C16orf95: variants seen among roughly 807,000 people sequenced by gnomAD.
C16orf95 encodes chromosome 16 open reading frame 95.
A neutral mutation model predicts 32.1 loss-of-function variants in C16orf95; 41 were observed. The observed-to-expected ratio is 1.28, with a 90% CI of 1.00 to 1.66. The LOEUF is 1.66. Among genes scored for constraint, C16orf95 ranks in the 40% most tolerant of loss-of-function variants. The pLI, the probability that C16orf95 is intolerant of heterozygous loss-of-function variation, is 0.00. For missense variants in C16orf95, 399 were observed against 325.9 expected (o/e 1.22, Z -1.73); for synonymous variants, 147 against 128.9 (o/e 1.14, Z -0.95).
Position 87,305,970 on chromosome 16 carries a change from G to A in C16orf95, c.515-65C>T. 7.9e-7 allele frequency: 1 copy of A among 1,268,262 alleles called. No homozygotes were observed. The highest frequency in any genetic ancestry group is 1.0e-6 in the Non-Finnish European group (1 of 978,140). The allele number at this position is 1,268,262 out of a possible 1,614,324, so 78.6% of individuals were successfully genotyped here. On this transcript the variant is annotated intron_variant, in intron 5 of 6. Transcript: ENST00000567970. This position sits in a 1 kb window ranked among gnomAD's most constrained non-coding sequence, Gnocchi z 4.2. Reference sequence around the variant, plus strand: ...TCCGGGACTCTGTGAGCCACGAGGAGGCTGCAACACCAGCCCCAGAGCCTC... The same window carrying A: ...TCCGGGACTCTGTGAGCCACGAGGAAGCTGCAACACCAGCCCCAGAGCCTC...
At chr16:87,317,004 C>T (rs939956607) in intron 1 of C16orf95, 87 bp downstream of exon 1, 2 of 1,406,648 alleles carry the variant, frequency 1.4e-6, no homozygotes, top group Non-Finnish European at 1.8e-6. Context: ...AGAGTTCTGC[C>T]TGTGCATAGG....
rs903146641 is a variant in C16orf95 at position 87,311,312 on chromosome 16, G to T, written c.331-16C>A. Reference sequence around the variant, plus strand: ...TCTTTTGACTCTAACAGAGAGGATGGGAGGAGAAGATTCAGAAGGGGATGG... The same window carrying T: ...TCTTTTGACTCTAACAGAGAGGATGTGAGGAGAAGATTCAGAAGGGGATGG... On this transcript the variant is annotated splice_polypyrimidine_tract_variant and intron_variant, in intron 3 of 6. Transcript: ENST00000567970. The T allele has an allele frequency of 6.6e-7, 1 of 1,516,960 alleles. No individual in the cohort carries two copies. Among genetic ancestry groups the T allele is most frequent in the Non-Finnish European group, 8.8e-7 (1 of 1,132,922 alleles). The allele number at this position is 1,516,960 out of a possible 1,614,324, so 94.0% of individuals were successfully genotyped here.
intron 1 of C16orf95, 75 bp downstream of exon 1, chr16:87,317,016 C>A: frequency 6.9e-7 from 1 of 1,452,400 alleles, no homozygotes; most frequent in South Asian, 1.4e-5. Context: ...GTGCATAGGT[C>A]ATGGAGCAAT....
At chr16:87,316,476 T>G (rs1409734740) in intron 1 of C16orf95, among the ~76,000 whole-genome samples, 2 of 152,180 alleles carry the variant, frequency 1.3e-5, no homozygotes, top group African/African-American at 2.4e-5. Flanking sequence ...ATATAAGTGT[T>G]TTTGGGTTTC....
In C16orf95 at chr16:87,310,653, G is replaced by A. The variant is rs565565443; in HGVS notation, c.478-320C>T. Among the ~76,000 whole-genome samples the A allele has an allele frequency of 1.6e-4, 24 of 152,296 alleles. No homozygotes were observed. The South Asian group carries it at 3.7e-3, about 24-fold the overall frequency. ...TGCCCAGAACTAGCGCTGTGGAGGCGGCCAGCAAGAGCAGAGAGGACAGGC... is the reference window on the plus strand; with the variant it reads ...TGCCCAGAACTAGCGCTGTGGAGGCAGCCAGCAAGAGCAGAGAGGACAGGC... On this transcript the variant is annotated intron_variant, in intron 4 of 6. Coordinates refer to ENST00000567970, the MANE Select transcript of C16orf95 (RefSeq NM_001195124.3).
chr16:87,311,134 T>C lies in C16orf95; in HGVS notation c.477+16A>G. On this transcript the variant is annotated intron_variant, in intron 4 of 6. Transcript: ENST00000567970. Reference sequence around the variant, plus strand: ...TCACTCTTCAGTTCTCACTGCAGTGTGCGCCTCCTCCTTACCTGCTGCTGA... The same window carrying C: ...TCACTCTTCAGTTCTCACTGCAGTGCGCGCCTCCTCCTTACCTGCTGCTGA... 6.6e-7 allele frequency: 1 copy of C among 1,507,316 alleles called. No homozygotes were observed. The highest frequency in any genetic ancestry group is 8.9e-7 in the Non-Finnish European group (1 of 1,127,154). 93.4% of individuals were successfully genotyped at this position (1,507,316 alleles called of 1,614,324 possible). A position where few individuals can be genotyped will look rare whatever the true frequency, so the allele number is the denominator to read the frequency against.
Position 87,309,372 on chromosome 16 carries a change from CTTT to C in C16orf95, c.514+922_514+924del, listed in dbSNP as rs10551847. Among the ~76,000 whole-genome samples, 445 of 86,058 alleles carry C rather than the reference CTTT, an allele frequency of 5.2e-3. 3 individuals carry two copies. The highest frequency in any genetic ancestry group is 0.025 in the African/African-American group (423 of 16,906). 56.5% of individuals were successfully genotyped at this position (86,058 alleles called of 152,430 possible). ...TATGCATTTTCTTTTTCTTTCTTTT[CTTT>C]TTTTTTTTTTTTTTTTTTTTTTTTT... On this transcript the variant is annotated intron_variant, in intron 5 of 6. Coordinates refer to ENST00000567970, the MANE Select transcript of C16orf95 (RefSeq NM_001195124.3).
At chr16:87,312,485 C>T (rs1911326536) in intron 3 of C16orf95, among the ~76,000 whole-genome samples, 1 of 146,268 alleles carries the variant, frequency 6.8e-6, no homozygotes, top group South Asian at 2.2e-4. Flanking sequence ...AGGAGAATCG[C>T]TTGAACCTGG....
In C16orf95 at chr16:87,315,771, C is replaced by A; in HGVS notation, c.204+1G>T. On this transcript the variant is annotated splice_donor_variant, in intron 2 of 6. Transcript: ENST00000567970. LOFTEE classifies it high-confidence loss of function. ...AGTGGCTGAGGATTTGCTTTCCTTA[C>A]CGAATGACGGGGGAGGCACACTTCT... 1 of 1,528,804 alleles carries A rather than the reference C, an allele frequency of 6.5e-7. No individual in the cohort carries two copies. Among genetic ancestry groups the A allele is most frequent in the East Asian group, 2.5e-5 (1 of 40,532 alleles). 94.7% of individuals were successfully genotyped at this position (1,528,804 alleles called of 1,614,324 possible).
At chr16:87,303,440 C>A (rs1910856153) in intron 6 of C16orf95, 1 of 230,006 alleles carries the variant, frequency 4.3e-6, no homozygotes, top group Admixed American at 4.9e-5. Flanking sequence ...TCCCCCCACC[C>A]CCGGCTGCTG....
intron 3 of C16orf95, among the ~76,000 whole-genome samples, chr16:87,312,428 G>T (rs926179190): frequency 2.0e-5 from 3 of 152,086 alleles, no homozygotes; most frequent in Non-Finnish European, 2.9e-5. Context: ...AATTAGCCGG[G>T]AGTGGTGGTG....
chr16:87,315,542 C>A (rs1222032993), intron 2 of C16orf95, among the ~76,000 whole-genome samples: 1 of 152,214 alleles, frequency 6.6e-6, no homozygotes, highest in South Asian at 2.1e-4. Flanking sequence ...CAGGGGCACA[C>A]GGAGAAGCTG....
In C16orf95 at chr16:87,311,265, TG is replaced by T. The variant is rs1911273199; in HGVS notation, c.361del (p.Gln121LysfsTer25). 2 of 1,532,792 alleles carry T rather than the reference TG, an allele frequency of 1.3e-6. No homozygotes were observed. Among genetic ancestry groups the T allele is most frequent in the Non-Finnish European group, 8.7e-7 (1 of 1,144,030 alleles). The allele number at this position is 1,532,792 out of a possible 1,614,324, so 94.9% of individuals were successfully genotyped here. A position where few individuals can be genotyped will look rare whatever the true frequency, so the allele number is the denominator to read the frequency against. On this transcript the variant is annotated frameshift_variant, in exon 4 of 7. Coordinates refer to ENST00000567970, the MANE Select transcript of C16orf95 (RefSeq NM_001195124.3). LOFTEE classifies it high-confidence loss of function. ...SQKTVQFPIP[Q>X]TAKMCPCLCH... ...TAGGCAGGGGCACATCTTGGCGGTTTGGGGGATAGGAAATTGAACCGTCTTT... is the reference window on the plus strand; with the variant it reads ...TAGGCAGGGGCACATCTTGGCGGTTTGGGGATAGGAAATTGAACCGTCTTT...
In C16orf95 at chr16:87,310,238, C is replaced by G. The variant is rs1911219058; in HGVS notation, c.514+59G>C. 2.6e-6 allele frequency: 4 copies of G among 1,511,000 alleles called. No homozygotes were observed. In the South Asian group the frequency reaches 3.6e-5, roughly 14 times the overall value. The allele number at this position is 1,511,000 out of a possible 1,614,324, so 93.6% of individuals were successfully genotyped here. ...GGTCTGCCCCCACCATCATGATGCT[C>G]ACGAACCCCACCTTTCTGGGGAGGG... On this transcript the variant is annotated intron_variant, in intron 5 of 6. Transcript: ENST00000567970.
At chr16:87,304,298 C>T (rs1351133563) in intron 6 of C16orf95, among the ~76,000 whole-genome samples, 1 of 152,220 alleles carries the variant, frequency 6.6e-6, no homozygotes, top group Non-Finnish European at 1.5e-5. Flanking sequence ...TGTAGGCCAC[C>T]ACACCTTGCC....
At chr16:87,315,935 C>G (rs147122963) in intron 1 of C16orf95, 112 bp from the exon 2 acceptor site, 2 of 602,820 alleles carry the variant, frequency 3.3e-6, no homozygotes, top group Non-Finnish European at 5.2e-6. Context: ...ATAAAGCCCA[C>G]GGGTGGTGGG....
At position 87,316,650 on chromosome 16, in the gene C16orf95, G is replaced by A. The variant is rs116603932; in HGVS notation, c.152+441C>T. ...AGCACTGCTATATTCCTGGTGGGGA[G>A]GGGGGGGGCCACAGCCATCTCAGTC... On this transcript the variant is annotated intron_variant, in intron 1 of 6. Coordinates refer to ENST00000567970, the MANE Select transcript of C16orf95 (RefSeq NM_001195124.3). Among the ~76,000 whole-genome samples the A allele has an allele frequency of 6.9e-3, 1,011 of 146,080 alleles. 11 individuals carry two copies. The highest frequency in any genetic ancestry group is 0.024 in the African/African-American group (954 of 40,222).
intron 3 of C16orf95, 75 bp from the exon 4 acceptor site, chr16:87,311,371 G>A: frequency 7.1e-7 from 1 of 1,404,380 alleles, no homozygotes; most frequent in African/African-American, 1.4e-5. Context: ...CCCTGATGGA[G>A]CCATCCCCCA....
intron 3 of C16orf95, among the ~76,000 whole-genome samples, chr16:87,314,065 A>G (rs1911398283): frequency 1.3e-5 from 2 of 152,192 alleles, no homozygotes; most frequent in Non-Finnish European, 2.9e-5. Flanking sequence ...AACTTTAGAC[A>G]CTGCTAGTAG....
Sources: gnomAD v4.1 joint callset for allele counts (sites outside exome capture counted in the v4.1 genomes callset) on GRCh38, gnomAD v4.1.1 for gene constraint, Gnocchi (gnomAD v3.1) non-coding constraint, MANE v1.5 for transcripts, NCBI Gene and HGNC (gene_info 2026-07-23, HGNC 2026-07-21) for gene names.